PRKG1: variants seen among roughly 807,000 people sequenced by gnomAD.
PRKG1 encodes protein kinase cGMP-dependent 1, also known as cGMP-dependent protein kinase 1.
In PRKG1, 35 loss-of-function variants were observed where a neutral mutation model predicts 88.1. That is an observed-to-expected ratio of 0.40 (90% confidence interval 0.30 to 0.53). The LOEUF is 0.53. Among genes scored for constraint, PRKG1 ranks in the 20% least tolerant of loss-of-function variants. PRKG1 has a pLI of 0.59. For synonymous variants in PRKG1, 303 were observed against 292.5 expected (o/e 1.04, Z -0.37); for missense variants, 540 against 839.8 (o/e 0.64, Z 4.41).
At chr10:51,754,372 C>T (rs985673963) in intron 3 of PRKG1, among the ~76,000 whole-genome samples, 1 of 152,198 alleles carries the variant, frequency 6.6e-6, no homozygotes, top group Non-Finnish European at 1.5e-5. Context: ...CAATTAACTT[C>T]TGCTGGTGAC....
intron 7 of PRKG1, among the ~76,000 whole-genome samples, chr10:52,119,123 T>C (rs940264122): frequency 6.6e-6 from 1 of 152,152 alleles, no homozygotes; most frequent in African/African-American, 2.4e-5. Context: ...CTACTTATAT[T>C]TTCAGACAGT....
At chr10:51,757,148 C>T (rs1459363675) in intron 3 of PRKG1, among the ~76,000 whole-genome samples, 2 of 151,938 alleles carry the variant, frequency 1.3e-5, no homozygotes, top group Non-Finnish European at 2.9e-5. Flanking sequence ...TGTCCGAAGG[C>T]TGGAGTGTAG....
At chr10:51,681,331 AG>A (rs1376432335) in intron 3 of PRKG1, among the ~76,000 whole-genome samples, 2 of 152,166 alleles carry the variant, frequency 1.3e-5, no homozygotes, top group African/African-American at 4.8e-5. Flanking sequence ...TCAATGATGT[AG>A]TGGCAGGTTC....
chr10:51,945,967 G>A (rs1843023030), intron 5 of PRKG1, among the ~76,000 whole-genome samples: 1 of 150,202 alleles, frequency 6.7e-6, no homozygotes, highest in Non-Finnish European at 1.5e-5. Flanking sequence ...TATCTTTGTG[G>A]CGTTCTCTGT....
intron 9 of PRKG1, among the ~76,000 whole-genome samples, chr10:52,165,445 G>A (rs1838408328): frequency 6.6e-6 from 1 of 152,132 alleles, no homozygotes. Flanking sequence ...TGCCAATGCT[G>A]CAGGGGCTAG....
In PRKG1 at chr10:51,358,021, C is replaced by T. The variant is rs573476577; in HGVS notation, c.479-109702C>T. On this transcript the variant is annotated intron_variant, in intron 2 of 17. Coordinates refer to ENST00000373980, the MANE Select transcript of PRKG1 (RefSeq NM_006258.4). ...TTATCCATTGTTTCATAATAAATTA[C>T]GCCAAAACTTAGTGGCTTAAAACAG... is the stretch of plus-strand genomic sequence containing the variant. Among the ~76,000 whole-genome samples the T allele has an allele frequency of 5.9e-5, 9 of 151,786 alleles. No homozygotes were observed. In the South Asian group the frequency reaches 1.5e-3, roughly 25 times the overall value.
intron 2 of PRKG1, among the ~76,000 whole-genome samples, chr10:51,444,538 T>C (rs192609005): frequency 1.3e-5 from 2 of 152,008 alleles, no homozygotes; most frequent in Admixed American, 6.6e-5. Flanking sequence ...ATAAAGAATC[T>C]GCCTTTATCT....
intron 3 of PRKG1, among the ~76,000 whole-genome samples, chr10:51,738,485 A>G (rs553720644): frequency 6.6e-6 from 1 of 152,358 alleles, no homozygotes; most frequent in Non-Finnish European, 1.5e-5. Context: ...CAGTTGCAAG[A>G]ATGAAATGTG....
At chr10:52,232,218 G>T (rs1840541947) in intron 9 of PRKG1, among the ~76,000 whole-genome samples, 2 of 152,152 alleles carry the variant, frequency 1.3e-5, no homozygotes, top group South Asian at 4.1e-4. Context: ...CAGGAGAATT[G>T]CTCGAACCCG....
chr10:52,069,910 C>A (rs953384035), intron 7 of PRKG1, among the ~76,000 whole-genome samples: 1 of 151,440 alleles, frequency 6.6e-6, no homozygotes, highest in Non-Finnish European at 1.5e-5. Flanking sequence ...TTATGTCATT[C>A]CTTCGTTTAG....
chr10:51,133,963 A>G (rs1490207264), intron 1 of PRKG1, among the ~76,000 whole-genome samples: 1 of 152,168 alleles, frequency 6.6e-6, no homozygotes, highest in Non-Finnish European at 1.5e-5. Flanking sequence ...TAATAAAACT[A>G]TGTCTTTTAT....
chr10:51,761,596 G>A (rs12355073), intron 3 of PRKG1, among the ~76,000 whole-genome samples: 2,385 of 152,284 alleles, frequency 0.016, 28 homozygotes, highest in South Asian at 0.025. Flanking sequence ...TCAAAGGGGA[G>A]TAGTGTTTAT....
chr10:51,154,339 G>C (rs182832791), intron 2 of PRKG1, among the ~76,000 whole-genome samples: 1 of 151,988 alleles, frequency 6.6e-6, no homozygotes, highest in East Asian at 1.9e-4. Flanking sequence ...AGGGGGTGAT[G>C]TTGGGGGGAC....
chr10:52,127,749 T>C (rs1429707930), intron 7 of PRKG1, among the ~76,000 whole-genome samples: 1 of 152,136 alleles, frequency 6.6e-6, no homozygotes, highest in Non-Finnish European at 1.5e-5. Flanking sequence ...TGTGCAAGCA[T>C]GATTAGAAGG....
At chr10:52,167,308 C>T (rs1012559770) in intron 9 of PRKG1, among the ~76,000 whole-genome samples, 3 of 152,008 alleles carry the variant, frequency 2.0e-5, no homozygotes, top group Non-Finnish European at 4.4e-5. Context: ...AAGGAGAACT[C>T]ACTTATTATC....
At chr10:51,956,496 G>A (rs780458233) in intron 5 of PRKG1, among the ~76,000 whole-genome samples, 1 of 151,960 alleles carries the variant, frequency 6.6e-6, no homozygotes, top group South Asian at 2.1e-4. Context: ...AAAGAACTTA[G>A]GATACTTTCC....
intron 9 of PRKG1, among the ~76,000 whole-genome samples, chr10:52,240,647 G>A (rs1457818933): frequency 6.6e-6 from 1 of 151,972 alleles, no homozygotes; most frequent in African/African-American, 2.4e-5. Flanking sequence ...ATGTTTCCTG[G>A]GACTTAATTC....
intron 3 of PRKG1, among the ~76,000 whole-genome samples, chr10:51,520,243 A>G (rs1010955811): frequency 6.8e-5 from 10 of 146,706 alleles, no homozygotes; most frequent in African/African-American, 2.5e-4. Flanking sequence ...GTGTATATAC[A>G]TATATGGATA....
intron 5 of PRKG1, among the ~76,000 whole-genome samples, chr10:52,005,899 G>A (rs771405703): frequency 6.6e-6 from 1 of 152,002 alleles, no homozygotes; most frequent in Admixed American, 6.6e-5. Context: ...AACCTGGCAA[G>A]GATATGGCTT....
Sources: gnomAD v4.1 joint callset for allele counts (sites outside exome capture counted in the v4.1 genomes callset) on GRCh38, gnomAD v4.1.1 for gene constraint, MANE v1.5 for transcripts, NCBI Gene and HGNC (gene_info 2026-07-23, HGNC 2026-07-21) for gene names.